APLF: variants seen among roughly 807,000 people sequenced by gnomAD.
APLF encodes the protein aprataxin and PNKP like factor, also known as aprataxin and PNK-like factor.
In APLF, 61 loss-of-function variants were observed where a neutral mutation model predicts 55.6. The observed-to-expected ratio is 1.10, with a 90% CI of 0.89 to 1.36. The LOEUF is 1.36. Ranked by LOEUF, APLF falls within the 40% of genes most tolerant of loss-of-function variation. The pLI, the probability that APLF is intolerant of heterozygous loss-of-function variation, is 0.00. For synonymous variants in APLF, 207 were observed against 214.8 expected (o/e 0.96, Z 0.32); for missense variants, 611 against 602.5 (o/e 1.01, Z -0.15).
At position 68,467,592 on chromosome 2, in the gene APLF, C is replaced by T. The variant is rs544463830; in HGVS notation, c.-140C>T. 5.2e-5 allele frequency: 32 copies of T among 613,394 alleles called. No homozygotes were observed. Among genetic ancestry groups the T allele is most frequent in the African/African-American group, 5.1e-4 (27 of 52,600 alleles). 38.0% of individuals were successfully genotyped at this position (613,394 alleles called of 1,614,324 possible). A position where few individuals can be genotyped will look rare whatever the true frequency, so the allele number is the denominator to read the frequency against. On this transcript the variant is annotated 5_prime_UTR_variant, in exon 1 of 10. Coordinates refer to ENST00000303795, the MANE Select transcript of APLF (RefSeq NM_173545.3). ...GCGCTGGGGCCGGGCTCTGAGAGGA[C>T]CGGCGCAGCCGCGGGGAGCCTTTGA...
chr2:68,493,447 T>C (rs1158599881), intron 2 of APLF, among the ~76,000 whole-genome samples: 1 of 151,886 alleles, frequency 6.6e-6, no homozygotes, highest in East Asian at 1.9e-4. Context: ...GACTTTAGAG[T>C]AGGGAAGGGT....
At position 68,525,742 on chromosome 2, in the gene APLF, C is replaced by CTTTTTTTTTTTTTTTTTTTTT. The variant is rs386390398; in HGVS notation, c.623-314_623-294dup. 8.5e-4 allele frequency among the ~76,000 whole-genome samples: 70 copies of CTTTTTTTTTTTTTTTTTTTTT among 82,016 alleles called. 7 individuals are homozygous for CTTTTTTTTTTTTTTTTTTTTT. The highest frequency in any genetic ancestry group is 3.2e-3 in the African/African-American group (51 of 16,176). 53.8% of individuals were successfully genotyped at this position (82,016 alleles called of 152,430 possible). On this transcript the variant is annotated intron_variant, in intron 5 of 9. Transcript: ENST00000303795. ...TTTATCCTTTTTATTTTCTTTCTTT[C>CTTTTTTTTTTTTTTTTTTTTT]TTTTTTTTTTTTTTTTTTTTTTTTT...
At chr2:68,547,813 A>G (rs139449971) in intron 8 of APLF, among the ~76,000 whole-genome samples, 324 of 151,890 alleles carry the variant, frequency 2.1e-3, no homozygotes, top group African/African-American at 7.3e-3. Context: ...GAACAAACTA[A>G]TATGCCATCT....
rs778478440 is a variant in APLF, at chr2:68,578,281, T to C, written c.*259T>C. Reference sequence around the variant, plus strand: ...ACAGAGAAGGTAGAGTAAAAATGGATATTTTTTATGTACTTTGTATATTGG... The same window carrying C: ...ACAGAGAAGGTAGAGTAAAAATGGACATTTTTTATGTACTTTGTATATTGG... On this transcript the variant is annotated 3_prime_UTR_variant, in exon 10 of 10. Transcript: ENST00000303795. 827 of 1,188,334 alleles carry C rather than the reference T, an allele frequency of 7.0e-4. No individual in the cohort carries two copies. The highest frequency in any genetic ancestry group is 8.1e-4 in the Non-Finnish European group (776 of 953,896). The allele number at this position is 1,188,334 out of a possible 1,614,324, so 73.6% of individuals were successfully genotyped here. A position where few individuals can be genotyped will look rare whatever the true frequency, so the allele number is the denominator to read the frequency against.
intron 5 of APLF, among the ~76,000 whole-genome samples, chr2:68,516,936 AATATAATAT>A (rs1351054470): frequency 8.1e-6 from 1 of 123,650 alleles, no homozygotes; most frequent in Non-Finnish European, 1.6e-5. Context: ...TATAATATAT[AATATAATAT>A]ATATAATATA....
chr2:68,473,639 G>A (rs1675687473), intron 1 of APLF, among the ~76,000 whole-genome samples: 1 of 152,212 alleles, frequency 6.6e-6, no homozygotes, highest in African/African-American at 2.4e-5. Context: ...CCAGCAATGA[G>A]TGACAGTTCT....
chr2:68,551,032 T>G lies in APLF; in HGVS notation c.1286+5720T>G, dbSNP rs72901996. On this transcript the variant is annotated intron_variant, in intron 8 of 9. Transcript: ENST00000303795. ...AAACTTCTTTGCGTTTTTCTTATAG[T>G]GAAGATCTACTAAAAAGAAATTCTT... Among the ~76,000 whole-genome samples the G allele has an allele frequency of 4.3e-3, 649 of 152,242 alleles. 4 individuals are homozygous for G. The highest frequency in any genetic ancestry group is 0.015 in the African/African-American group (622 of 41,568).
At chr2:68,497,887 A>G (rs890623456) in intron 2 of APLF, among the ~76,000 whole-genome samples, 1 of 152,254 alleles carries the variant, frequency 6.6e-6, no homozygotes. Context: ...TAAAAAATCC[A>G]GTAGAAAAAT....
At chr2:68,484,962 G>A (rs1304642262) in intron 1 of APLF, among the ~76,000 whole-genome samples, 1 of 146,974 alleles carries the variant, frequency 6.8e-6, no homozygotes, top group Non-Finnish European at 1.5e-5. Flanking sequence ...TCTGTAATAT[G>A]CCTGTGTGTG....
chr2:68,492,604 T>C (rs1297488734), intron 2 of APLF, among the ~76,000 whole-genome samples: 1 of 152,212 alleles, frequency 6.6e-6, no homozygotes, highest in Non-Finnish European at 1.5e-5. Flanking sequence ...CAAATTTCTA[T>C]GTGAGATTTT....
chr2:68,559,336 C>T (rs1286906280), intron 8 of APLF, among the ~76,000 whole-genome samples: 1 of 152,134 alleles, frequency 6.6e-6, no homozygotes, highest in Non-Finnish European at 1.5e-5. Flanking sequence ...GTAAATATTG[C>T]AGAGCCACGG....
At chr2:68,544,588 A>G (rs967088709) in intron 7 of APLF, among the ~76,000 whole-genome samples, 4 of 152,310 alleles carry the variant, frequency 2.6e-5, no homozygotes, top group African/African-American at 7.2e-5. Context: ...CACTTTTTCA[A>G]TTTCTCATTT....
chr2:68,567,870 G>A (rs1215334429), intron 9 of APLF, among the ~76,000 whole-genome samples: 2 of 152,162 alleles, frequency 1.3e-5, no homozygotes, highest in East Asian at 1.9e-4. Flanking sequence ...CAGCTGGGAC[G>A]ATAATCACCC....
chr2:68,578,920 T>C lies in APLF; in HGVS notation c.*898T>C. 1 of 985,328 alleles carries C rather than the reference T, an allele frequency of 1.0e-6. No homozygotes were observed. 61.0% of individuals were successfully genotyped at this position (985,328 alleles called of 1,614,324 possible). The stretch of plus-strand genomic sequence containing the variant: ...AGAAGAAACCACTTATTCTCCAGTT[T>C]TACAAAGTATCTTTCTGTATTTCTG... On this transcript the variant is annotated 3_prime_UTR_variant, in exon 10 of 10. Transcript: ENST00000303795.
chr2:68,561,082 G>A (rs1488168139), intron 8 of APLF, among the ~76,000 whole-genome samples: 1 of 152,102 alleles, frequency 6.6e-6, no homozygotes, highest in Non-Finnish European at 1.5e-5. Flanking sequence ...AATATTAATT[G>A]ACAGTGACTT....
intron 1 of APLF, among the ~76,000 whole-genome samples, chr2:68,476,454 G>T (rs1455209197): frequency 7.0e-6 from 1 of 141,904 alleles, no homozygotes; most frequent in Non-Finnish European, 1.5e-5. Context: ...TTGCACTCCA[G>T]CCTGGGCAAC....
At chr2:68,531,630 T>C (rs1488906999) in intron 6 of APLF, among the ~76,000 whole-genome samples, 2 of 152,216 alleles carry the variant, frequency 1.3e-5, no homozygotes, top group Non-Finnish European at 2.9e-5. Flanking sequence ...ATAAAACTTA[T>C]TAAAACAAAA....
intron 3 of APLF, among the ~76,000 whole-genome samples, chr2:68,507,164 G>A (rs748262173): frequency 2.6e-5 from 4 of 151,774 alleles, no homozygotes; most frequent in Admixed American, 1.3e-4. Flanking sequence ...TAGATATGTA[G>A]ATAGACTACA....
At chr2:68,570,440 C>T (rs1671425294) in intron 9 of APLF, among the ~76,000 whole-genome samples, 1 of 151,816 alleles carries the variant, frequency 6.6e-6, no homozygotes. Context: ...TATCCCTCCC[C>T]CACTCCCCCC....
Sources: gnomAD v4.1 joint callset for allele counts (sites outside exome capture counted in the v4.1 genomes callset) on GRCh38, gnomAD v4.1.1 for gene constraint, MANE v1.5 for transcripts, NCBI Gene and HGNC (gene_info 2026-07-23, HGNC 2026-07-21) for gene names.